The following PREX2 variants were observed in gnomAD, a reference collection of about 807,000 sequenced individuals.
The protein encoded by PREX2 is phosphatidylinositol-3,4,5-trisphosphate dependent Rac exchange factor 2.
In PREX2, 107 loss-of-function variants were observed where a neutral mutation model predicts 203.2. That is an observed-to-expected ratio of 0.53 (90% CI 0.45 to 0.62). The LOEUF (loss-of-function observed/expected upper bound fraction) is 0.62, where lower values mean the gene tolerates loss of function less well. Ranked by LOEUF, PREX2 falls within the 20% of genes least tolerant of loss-of-function variation. The pLI is 0.00. For missense variants in PREX2, 1,777 were observed against 1,955.9 expected, an observed-to-expected ratio of 0.91 and a Z score of 1.72; for synonymous variants, 672 against 663.6, an observed-to-expected ratio of 1.01 and a Z score of -0.19.
intron 38 of PREX2, among the ~76,000 whole-genome samples, chr8:68,222,137 A>G (rs1812965851): frequency 6.6e-6 from 1 of 152,172 alleles, no homozygotes; most frequent in Non-Finnish European, 1.5e-5. Flanking sequence ...ATGTATGAGT[A>G]TGTTTGTATT....
intron 10 of PREX2, among the ~76,000 whole-genome samples, chr8:68,057,387 G>GT (rs995132976): frequency 6.6e-6 from 1 of 152,106 alleles, no homozygotes; most frequent in African/African-American, 2.4e-5. Flanking sequence ...CAGTCTCAGG[G>GT]AAGTTCTTTA....
Position 68,083,245 on chromosome 8 carries a change from T to A in PREX2, c.1884T>A (p.Ala628=). 1 of 1,585,834 alleles carries A rather than the reference T, an allele frequency of 6.3e-7. No individual in the cohort carries two copies. Among genetic ancestry groups the A allele is most frequent in the South Asian group, 1.2e-5 (1 of 86,692 alleles). ...LVEKGSNAEM[A]GMEVGKKIFA... ...TTTTGTAATTTCTCTCTTAGATGGCTGGCATGGAAGTCGGGAAAAAGATTT... is the reference window on the plus strand; with the variant it reads ...TTTTGTAATTTCTCTCTTAGATGGCAGGCATGGAAGTCGGGAAAAAGATTT... The change falls in exon 18 of 40, where the codon GCT becomes GCA. Residue 628 remains alanine (A), a synonymous_variant. Coordinates refer to ENST00000288368, the MANE Select transcript of PREX2 (RefSeq NM_024870.4).
At chr8:68,160,600 G>A (rs1050025012) in intron 35 of PREX2, among the ~76,000 whole-genome samples, 1 of 152,046 alleles carries the variant, frequency 6.6e-6, no homozygotes, top group Non-Finnish European at 1.5e-5. Flanking sequence ...ACTTACAGGG[G>A]TTACTTTGGG....
At position 68,143,082 on chromosome 8, in the gene PREX2, A is replaced by G. The variant is rs148713479; in HGVS notation, c.4088-3127A>G. Among the ~76,000 whole-genome samples the G allele has an allele frequency of 4.0e-3, 612 of 152,246 alleles. 9 individuals are homozygous for G. The highest frequency in any genetic ancestry group is 0.014 in the African/African-American group (585 of 41,542). ...TTTCATATGATTATTTGCCATCTCT[A>G]TATCTTCTTGAAAGAGTTGTCTGTT... On this transcript the variant is annotated intron_variant, in intron 33 of 39. Transcript: ENST00000288368.
intron 37 of PREX2, among the ~76,000 whole-genome samples, chr8:68,207,142 T>G (rs1261933674): frequency 6.6e-6 from 1 of 152,120 alleles, no homozygotes; most frequent in East Asian, 1.9e-4. Context: ...TGCTCTAATA[T>G]ATATATATTT....
chr8:67,994,645 A>G (rs35960910), intron 1 of PREX2, among the ~76,000 whole-genome samples: 52,152 of 152,108 alleles, frequency 0.34, 10,555 homozygotes, highest in East Asian at 0.54. Flanking sequence ...TTAAGCATCT[A>G]TATAATATGT....
At chr8:68,030,972 A>G (rs1032705366) in intron 6 of PREX2, among the ~76,000 whole-genome samples, 1 of 152,196 alleles carries the variant, frequency 6.6e-6, no homozygotes, top group Non-Finnish European at 1.5e-5. Flanking sequence ...CCATAAGTAC[A>G]TAGCCTGAAT....
intron 39 of PREX2, among the ~76,000 whole-genome samples, chr8:68,230,598 G>A (rs1422936277): frequency 1.3e-5 from 2 of 152,142 alleles, no homozygotes; most frequent in Non-Finnish European, 2.9e-5. Context: ...AGAATGTGGA[G>A]CACCAGAACT....
chr8:68,038,735 G>A (rs964593212), intron 7 of PREX2, among the ~76,000 whole-genome samples: 2 of 151,912 alleles, frequency 1.3e-5, no homozygotes, highest in Admixed American at 6.6e-5. Flanking sequence ...TATAGAACAC[G>A]TAATATCTCA....
chr8:68,018,351 T>C (rs1585709435), intron 2 of PREX2, among the ~76,000 whole-genome samples: 1 of 151,990 alleles, frequency 6.6e-6, no homozygotes, highest in African/African-American at 2.4e-5. Context: ...CGTGTAATCC[T>C]AGCTACTCTC....
intron 1 of PREX2, among the ~76,000 whole-genome samples, chr8:68,016,400 C>G (rs188596867): frequency 6.6e-6 from 1 of 152,052 alleles, no homozygotes; most frequent in East Asian, 1.9e-4. Flanking sequence ...ATATAGTTTT[C>G]ATTACATTCC....
chr8:68,121,774 G>T (rs530556557), intron 30 of PREX2, among the ~76,000 whole-genome samples: 1 of 152,274 alleles, frequency 6.6e-6, no homozygotes, highest in Non-Finnish European at 1.5e-5. Flanking sequence ...GGTATTGGTT[G>T]TCACAATTGT....
At chr8:68,065,917 T>C (rs1809003780) in intron 11 of PREX2, among the ~76,000 whole-genome samples, 1 of 152,194 alleles carries the variant, frequency 6.6e-6, no homozygotes. Flanking sequence ...TTTATGGAGG[T>C]ATAATTGACA....
At chr8:68,112,978 C>T (rs919462388) in intron 25 of PREX2, among the ~76,000 whole-genome samples, 9 of 152,126 alleles carry the variant, frequency 5.9e-5, no homozygotes, top group Admixed American at 5.2e-4. Context: ...AAAAATCTTT[C>T]TTATCAATGG....
Position 67,952,325 on chromosome 8 carries a change from G to C in PREX2, c.-70G>C. The C allele has an allele frequency of 7.7e-7, 1 of 1,298,652 alleles. No individual in the cohort carries two copies. The highest frequency in any genetic ancestry group is 2.4e-5 in the South Asian group (1 of 41,444). The allele number at this position is 1,298,652 out of a possible 1,614,324, so 80.4% of individuals were successfully genotyped here. On this transcript the variant is annotated 5_prime_UTR_variant, in exon 1 of 40. Transcript: ENST00000288368. Reference sequence around the variant, plus strand: ...CTTTCCATTCTCGCCGCCGGGGGCCGGGCAGCAGCGGGCGCGCGGGTCAGC... The same window carrying C: ...CTTTCCATTCTCGCCGCCGGGGGCCCGGCAGCAGCGGGCGCGCGGGTCAGC...
chr8:68,070,283 AT>A (rs1382823866), intron 13 of PREX2, among the ~76,000 whole-genome samples: 1 of 151,760 alleles, frequency 6.6e-6, no homozygotes, highest in African/African-American at 2.4e-5. Flanking sequence ...TTGAATATGT[AT>A]TTTATTTTAT....
intron 7 of PREX2, among the ~76,000 whole-genome samples, chr8:68,039,731 C>T (rs535625688): frequency 4.5e-4 from 69 of 152,200 alleles, no homozygotes; most frequent in African/African-American, 1.5e-3. Flanking sequence ...GCCTTGGTTC[C>T]TGTTTTTCCC....
intron 21 of PREX2, among the ~76,000 whole-genome samples, chr8:68,095,756 C>T (rs1207245682): frequency 6.6e-6 from 1 of 151,836 alleles, no homozygotes; most frequent in Non-Finnish European, 1.5e-5. Context: ...CCGTCAGTTC[C>T]CTACCCCTTC....
intron 35 of PREX2, among the ~76,000 whole-genome samples, chr8:68,177,828 C>G (rs1190384269): frequency 2.0e-5 from 3 of 152,210 alleles, no homozygotes; most frequent in East Asian, 1.9e-4. Context: ...TTGTTCCCCC[C>G]ACCCCCTTGC....
Sources: allele counts gnomAD v4.1 joint callset (sites outside exome capture counted in the v4.1 genomes callset), GRCh38; gene constraint gnomAD v4.1.1; transcripts MANE v1.5; gene names NCBI Gene and HGNC (gene_info 2026-07-23, HGNC 2026-07-21).